ITGBL1: variants seen among roughly 807,000 people sequenced by gnomAD.
ITGBL1 encodes integrin beta-like protein 1.
Under a neutral mutation model 68.5 loss-of-function variants are expected in ITGBL1, and 51 were observed. That is an observed-to-expected ratio of 0.74 (90% CI 0.59 to 0.94). The LOEUF is 0.94. ITGBL1 is among the 40% of genes least tolerant of loss of function. The pLI is 0.00. For missense variants in ITGBL1, 649 were observed against 647.4 expected, an observed-to-expected ratio of 1.00 and a Z score of -0.03; for synonymous variants, 209 against 227.3, an observed-to-expected ratio of 0.92 and a Z score of 0.72.
intron 7 of ITGBL1, among the ~76,000 whole-genome samples, chr13:101,648,887 G>A (rs1178201258): frequency 6.6e-6 from 1 of 152,010 alleles, no homozygotes; most frequent in African/African-American, 2.4e-5. Context: ...TCACTTGAGT[G>A]TTAAATTGAT....
intron 2 of ITGBL1, among the ~76,000 whole-genome samples, chr13:101,480,137 T>TA (rs140066855): frequency 0.053 from 8,061 of 152,072 alleles, 274 homozygotes; most frequent in South Asian, 0.13. Flanking sequence ...TATTCAGCCA[T>TA]AAAAAATGAA....
intron 2 of ITGBL1, among the ~76,000 whole-genome samples, chr13:101,522,207 A>T (rs1384482672): frequency 6.6e-6 from 1 of 152,136 alleles, no homozygotes; most frequent in African/African-American, 2.4e-5. Flanking sequence ...GGAAGTGAAG[A>T]CTTCAACATA....
intron 2 of ITGBL1, among the ~76,000 whole-genome samples, chr13:101,458,859 G>A (rs762535307): frequency 6.6e-6 from 1 of 152,122 alleles, no homozygotes; most frequent in Non-Finnish European, 1.5e-5. Flanking sequence ...AGGCCCGACC[G>A]TATGGTGCCC....
chr13:101,493,332 C>G (rs568493484), intron 2 of ITGBL1, among the ~76,000 whole-genome samples: 17 of 150,620 alleles, frequency 1.1e-4, no homozygotes, highest in African/African-American at 3.2e-4. Flanking sequence ...AAGATACCAA[C>G]AATGTCACTT....
chr13:101,683,277 T>G lies in ITGBL1; in HGVS notation c.1016-9308T>G, dbSNP rs2033683248. 2.0e-5 allele frequency among the ~76,000 whole-genome samples: 3 copies of G among 152,066 alleles called. 1 individual carries two copies. The South Asian group carries it at 6.2e-4, about 31-fold the overall frequency. On this transcript the variant is annotated intron_variant, in intron 7 of 10. Transcript: ENST00000376180. The stretch of plus-strand genomic sequence containing the variant: ...CTTTAAAGTTTTCCGCCTAGATATA[T>G]ATTCCCAAACAGTGTGATAGTTAGA...
At chr13:101,522,284 G>A (rs2049299216) in intron 2 of ITGBL1, among the ~76,000 whole-genome samples, 2 of 152,068 alleles carry the variant, frequency 1.3e-5, no homozygotes, top group African/African-American at 2.4e-5. Context: ...ATTAAAAAAT[G>A]TCTATATTAT....
chr13:101,604,988 GTA>G (rs2030655426), intron 7 of ITGBL1, among the ~76,000 whole-genome samples: 1 of 126,540 alleles, frequency 7.9e-6, no homozygotes, highest in African/African-American at 2.8e-5. Flanking sequence ...GCGTACATGT[GTA>G]TATGTATATA....
chr13:101,657,843 C>T (rs574774218), intron 7 of ITGBL1, among the ~76,000 whole-genome samples: 1 of 152,290 alleles, frequency 6.6e-6, no homozygotes, highest in South Asian at 2.1e-4. Flanking sequence ...TCTAGTGTTA[C>T]AGCAGTCCTG....
chr13:101,625,078 C>G (rs141823441), intron 7 of ITGBL1, among the ~76,000 whole-genome samples: 102 of 152,206 alleles, frequency 6.7e-4, no homozygotes, highest in African/African-American at 2.3e-3. Context: ...TTTTTTAAAG[C>G]AAGAGACATT....
chr13:101,671,775 C>T (rs564516707), intron 7 of ITGBL1, among the ~76,000 whole-genome samples: 1 of 152,228 alleles, frequency 6.6e-6, no homozygotes, highest in East Asian at 1.9e-4. Flanking sequence ...GAAAAATTTA[C>T]TTTTTATCCC....
chr13:101,453,821 T>C (rs960749358), intron 1 of ITGBL1, 62 bp from the exon 2 acceptor site: 4 of 1,126,082 alleles, frequency 3.6e-6, no homozygotes, highest in Admixed American at 4.4e-5. Flanking sequence ...GAAACGTGGG[T>C]TCGGAGCAGG....
chr13:101,543,576 C>A (rs2049754518), intron 2 of ITGBL1, among the ~76,000 whole-genome samples: 1 of 152,208 alleles, frequency 6.6e-6, no homozygotes, highest in East Asian at 1.9e-4. Context: ...GTGGCGTTCT[C>A]TGTATTTCCT....
At chr13:101,549,797 T>C (rs372322405) in intron 2 of ITGBL1, among the ~76,000 whole-genome samples, 6 of 152,220 alleles carry the variant, frequency 3.9e-5, no homozygotes, top group Admixed American at 3.3e-4. Flanking sequence ...TGTTGGTAAG[T>C]GTATTCTTAC....
intron 7 of ITGBL1, among the ~76,000 whole-genome samples, chr13:101,685,145 G>T (rs2033726644): frequency 6.6e-6 from 1 of 151,944 alleles, no homozygotes; most frequent in East Asian, 1.9e-4. Flanking sequence ...CAGTGAGTTT[G>T]ATTGGTACAA....
At chr13:101,582,407 T>C (rs1167823005) in intron 5 of ITGBL1, among the ~76,000 whole-genome samples, 2 of 152,172 alleles carry the variant, frequency 1.3e-5, no homozygotes, top group Non-Finnish European at 2.9e-5. Flanking sequence ...ATGTAAGAGG[T>C]AAGAAAAGGA....
chr13:101,702,595 G>A (rs1040769635), intron 8 of ITGBL1, among the ~76,000 whole-genome samples: 3 of 151,308 alleles, frequency 2.0e-5, no homozygotes. Flanking sequence ...AAAAAAGGCA[G>A]AAAACAAAAA....
chr13:101,689,384 A>C (rs1369164220), intron 7 of ITGBL1, among the ~76,000 whole-genome samples: 1 of 152,076 alleles, frequency 6.6e-6, no homozygotes, highest in African/African-American at 2.4e-5. Flanking sequence ...ATAATGACTG[A>C]AACAAAATTG....
intron 9 of ITGBL1, among the ~76,000 whole-genome samples, chr13:101,708,672 G>A (rs370999581): frequency 7.2e-5 from 11 of 152,308 alleles, no homozygotes; most frequent in East Asian, 1.9e-4. Context: ...ACATCAAAGA[G>A]GATGGATGCT....
intron 2 of ITGBL1, among the ~76,000 whole-genome samples, chr13:101,472,574 A>G (rs1373483549): frequency 6.6e-6 from 1 of 152,190 alleles, no homozygotes; most frequent in African/African-American, 2.4e-5. Flanking sequence ...TAAACCATAT[A>G]ACTCAACTTA....
Sources: gnomAD v4.1 joint callset for allele counts (sites outside exome capture counted in the v4.1 genomes callset) on GRCh38, gnomAD v4.1.1 for gene constraint, MANE v1.5 for transcripts, NCBI Gene and HGNC (gene_info 2026-07-23, HGNC 2026-07-21) for gene names.